The following BAAT variants were observed in gnomAD, a reference collection of about 807,000 sequenced individuals.
The protein encoded by BAAT is bile acid CoA: amino acid N-acyltransferase (glycine N-choloyltransferase).
A neutral mutation model predicts 18.9 loss-of-function variants in BAAT; 13 were observed. That is an observed-to-expected ratio of 0.69 (90% CI 0.45 to 1.10). The LOEUF (loss-of-function observed/expected upper bound fraction) is 1.10, where lower values mean the gene tolerates loss of function less well. Among genes scored for constraint, BAAT ranks in the 50% least tolerant of loss-of-function variants. The pLI, the probability that BAAT is intolerant of heterozygous loss-of-function variation, is 0.00. For synonymous variants in BAAT, 170 were observed against 190.7 expected (o/e 0.89, Z 0.89); for missense variants, 489 against 504.0 (o/e 0.97, Z 0.28).
intron 3 of BAAT, among the ~76,000 whole-genome samples, chr9:101,364,641 C>A (rs1468256428): frequency 6.6e-6 from 1 of 152,130 alleles, no homozygotes; most frequent in African/African-American, 2.4e-5. Context: ...ACAAGTCATT[C>A]TTCATTATTT....
At chr9:101,374,707 A>G (rs886925630) in intron 1 of BAAT, among the ~76,000 whole-genome samples, 4 of 152,168 alleles carry the variant, frequency 2.6e-5, no homozygotes, top group African/African-American at 9.7e-5. Flanking sequence ...CTATATTTCT[A>G]TCTTCCTTCT....
Position 101,370,936 on chromosome 9 carries a change from C to T in BAAT, c.466+3G>A. ...TAACAATAAGCAGAGTAATTCTACTCACCTGGAGGGAGAAAGAGAGCTCCT... is the reference window on the plus strand; with the variant it reads ...TAACAATAAGCAGAGTAATTCTACTTACCTGGAGGGAGAAAGAGAGCTCCT... On this transcript the variant is annotated splice_donor_region_variant and intron_variant, in intron 2 of 3. Transcript: ENST00000259407. 6.2e-7 allele frequency: 1 copy of T among 1,613,820 alleles called. No individual in the cohort carries two copies. The highest frequency in any genetic ancestry group is 8.5e-7 in the Non-Finnish European group (1 of 1,179,766).
intron 1 of BAAT, among the ~76,000 whole-genome samples, chr9:101,379,987 G>A (rs983876619): frequency 1.2e-4 from 18 of 152,152 alleles, no homozygotes; most frequent in Non-Finnish European, 1.6e-4. Flanking sequence ...ATCCCACTGG[G>A]CCTGATCTGT....
chr9:101,362,901 A>G lies in BAAT; in HGVS notation c.784T>C (p.Phe262Leu), dbSNP rs1734878498. The change falls in exon 4 of 4, where the codon TTT becomes CTT. Residue 262 changes from phenylalanine to leucine, a missense_variant. Coordinates refer to ENST00000259407, the MANE Select transcript of BAAT (RefSeq NM_001701.4). ...TATVLINGTN[F>L]PFGIPQVYHG... ...TATACCTGTGGAATGCCAAAAGGAAAGTTGGTCCCATTAATAAGTACCGTG... is the reference window on the plus strand; with the variant it reads ...TATACCTGTGGAATGCCAAAAGGAAGGTTGGTCCCATTAATAAGTACCGTG... The G allele has an allele frequency of 6.2e-7, 1 of 1,614,118 alleles. No homozygotes were observed. The highest frequency in any genetic ancestry group is 1.7e-5 in the Admixed American group (1 of 60,010).
chr9:101,373,570 C>A (rs190961563), intron 1 of BAAT, among the ~76,000 whole-genome samples: 1 of 152,166 alleles, frequency 6.6e-6, no homozygotes, highest in Non-Finnish European at 1.5e-5. Context: ...TGAACGATAA[C>A]GATGTTTTGT....
At chr9:101,380,818 A>G (rs2119040008) in intron 1 of BAAT, among the ~76,000 whole-genome samples, 1 of 152,194 alleles carries the variant, frequency 6.6e-6, no homozygotes, top group African/African-American at 2.4e-5. Flanking sequence ...CAGTGGTGCA[A>G]TCTTGGCTCA....
chr9:101,372,044 T>A (rs1450441173), intron 1 of BAAT, among the ~76,000 whole-genome samples: 2 of 152,060 alleles, frequency 1.3e-5, no homozygotes, highest in African/African-American at 4.8e-5. Flanking sequence ...CTAAGTGAAC[T>A]AATGAAGAAA....
intron 1 of BAAT, among the ~76,000 whole-genome samples, chr9:101,378,295 C>T (rs1830079284): frequency 6.6e-6 from 1 of 152,054 alleles, no homozygotes; most frequent in African/African-American, 2.4e-5. Flanking sequence ...AAAAGAACAA[C>T]ACTGGAGGCA....
chr9:101,366,853 C>A (rs1173726286), intron 3 of BAAT, among the ~76,000 whole-genome samples: 5 of 150,370 alleles, frequency 3.3e-5, no homozygotes, highest in Non-Finnish European at 5.9e-5. Context: ...TATTTCAATT[C>A]TTATTAAAAA....
At chr9:101,375,064 C>T (rs893229593) in intron 1 of BAAT, among the ~76,000 whole-genome samples, 8 of 152,272 alleles carry the variant, frequency 5.3e-5, no homozygotes, top group African/African-American at 1.9e-4. Context: ...ATGTTAAGGG[C>T]AGGGCCAGGT....
chr9:101,382,476 G>A (rs554186494), intron 1 of BAAT, among the ~76,000 whole-genome samples: 1 of 152,244 alleles, frequency 6.6e-6, no homozygotes, highest in African/African-American at 2.4e-5. Context: ...AAGGGAAAGG[G>A]GTGCAAGATG....
At chr9:101,370,186 A>G (rs12336316) in intron 2 of BAAT, among the ~76,000 whole-genome samples, 12,309 of 152,214 alleles carry the variant, frequency 0.081, 669 homozygotes, top group African/African-American at 0.15. Context: ...TCATATAGCT[A>G]TAAGATTAGA....
intron 1 of BAAT, among the ~76,000 whole-genome samples, chr9:101,379,420 G>C (rs897644215): frequency 2.0e-5 from 3 of 152,068 alleles, no homozygotes; most frequent in Non-Finnish European, 4.4e-5. Context: ...TAGCCTCAAG[G>C]CTTTAAAAAA....
In BAAT at chr9:101,361,810, G is replaced by T. The variant is rs930578618; in HGVS notation, c.*618C>A. On this transcript the variant is annotated 3_prime_UTR_variant, in exon 4 of 4. Coordinates refer to ENST00000259407, the MANE Select transcript of BAAT (RefSeq NM_001701.4). ...AATTTGCTTCATAACTTAAACCAAG[G>T]CTCTTCCAGTCTTAGTTATTATGTC... The T allele has an allele frequency of 1.3e-5, 2 of 152,710 alleles. No homozygotes were observed. Among genetic ancestry groups the T allele is most frequent in the South Asian group, 4.2e-4 (2 of 4,812 alleles). The allele number at this position is 152,710 out of a possible 1,614,324, so 9.5% of individuals were successfully genotyped here. A position where few individuals can be genotyped will look rare whatever the true frequency, so the allele number is the denominator to read the frequency against.
chr9:101,362,760 A>G lies in BAAT; in HGVS notation c.925T>C (p.Tyr309His). 3.1e-6 allele frequency: 5 copies of G among 1,614,174 alleles called. No individual in the cohort carries two copies. The highest frequency in any genetic ancestry group is 1.3e-5 in the African/African-American group (1 of 75,052). ...TGGGCCTCTTCAATAGGAAACAAAT[A>G]TTGACTGGCCCCAACTTGAGTTGTC... ...FETTQVGASQ[Y>H]LFPIEEAQGQ... Residue 309 changes from tyrosine (Y) to histidine (H), a missense_variant, in exon 4 of 4, where the codon TAT (tyrosine) becomes CAT (histidine). Transcript: ENST00000259407.
Position 101,362,995 on chromosome 9 carries a change from C to G in BAAT, c.690G>C (p.Gly230=). ...GTACTCCTTGACATACAGAGACTAC[C>G]CCAACGCCTGAGCCAAAGACCTGAA... ...RHPKVFGSGV[G]VVSVCQGVQI... is the part of the protein sequence containing the mutation. The change falls in exon 4 of 4, where the codon GGG becomes GGC. Residue 230 remains glycine (G), a synonymous_variant. Coordinates refer to ENST00000259407, the MANE Select transcript of BAAT (RefSeq NM_001701.4). The G allele has an allele frequency of 6.2e-7, 1 of 1,613,808 alleles. No individual in the cohort carries two copies. The highest frequency in any genetic ancestry group is 1.1e-5 in the South Asian group (1 of 91,058).
rs371796700 is a variant in BAAT, at chr9:101,362,499, C to T, written c.1186G>A (p.Glu396Lys). The T allele has an allele frequency of 1.1e-5, 17 of 1,614,102 alleles. No homozygotes were observed. The highest frequency in any genetic ancestry group is 1.4e-5 in the Non-Finnish European group (17 of 1,180,020). ...CTCTGGATCTCCTTCCAAGCATGTT[C>T]CTGTGCAGCTGCGTGTGGGATCACC... ...GEVIPHAAAQ[E>K]HAWKEIQRFL... The change falls in exon 4 of 4, where the codon GAA becomes AAA. Residue 396 changes from glutamate to lysine, a missense_variant. Glu to Lys is a moderately conservative substitution (Grantham distance 56). Coordinates refer to ENST00000259407, the MANE Select transcript of BAAT (RefSeq NM_001701.4).
chr9:101,370,625 G>A (rs1482304716), intron 2 of BAAT, among the ~76,000 whole-genome samples: 1 of 152,066 alleles, frequency 6.6e-6, no homozygotes, highest in Non-Finnish European at 1.5e-5. Flanking sequence ...ATAATGTAGG[G>A]ACTACATAAA....
At chr9:101,378,469 G>C (rs1472162955) in intron 1 of BAAT, among the ~76,000 whole-genome samples, 1 of 152,138 alleles carries the variant, frequency 6.6e-6, no homozygotes, top group African/African-American at 2.4e-5. Context: ...ACAAAAACAA[G>C]CAACAGAGAA....
Sources: gnomAD v4.1 joint callset for allele counts (sites outside exome capture counted in the v4.1 genomes callset) on GRCh38, gnomAD v4.1.1 for gene constraint, MANE v1.5 for transcripts, NCBI Gene and HGNC (gene_info 2026-07-23, HGNC 2026-07-21) for gene names.